ABCC4: variants seen among roughly 807,000 people sequenced by gnomAD.
The protein encoded by ABCC4 is ATP-binding cassette sub-family C member 4.
In ABCC4, 102 loss-of-function variants were observed where a neutral mutation model predicts 168.5. That is an observed-to-expected ratio of 0.61 (90% CI 0.52 to 0.71). The LOEUF (loss-of-function observed/expected upper bound fraction) is 0.71, where lower values mean the gene tolerates loss of function less well. Among genes scored for constraint, ABCC4 ranks in the 30% least tolerant of loss-of-function variants. The pLI, the probability that ABCC4 is intolerant of heterozygous loss-of-function variation, is 0.00. For missense variants in ABCC4, 1,402 were observed against 1,605.8 expected, an observed-to-expected ratio of 0.87 and a Z score of 2.17; for synonymous variants, 617 against 590.7, an observed-to-expected ratio of 1.04 and a Z score of -0.65.
intron 1 of ABCC4, among the ~76,000 whole-genome samples, chr13:95,278,830 A>C (rs1384925186): frequency 2.0e-5 from 3 of 151,002 alleles, no homozygotes; most frequent in African/African-American, 7.3e-5. Context: ...AAAAAAAAAA[A>C]AAACACAGAC....
At chr13:95,114,270 C>T (rs1188853067) in intron 20 of ABCC4, among the ~76,000 whole-genome samples, 1 of 152,144 alleles carries the variant, frequency 6.6e-6, no homozygotes, top group African/African-American at 2.4e-5. Context: ...CATCAAGTAG[C>T]ATCCATCCCT....
At chr13:95,292,157 A>C (rs761183809) in intron 1 of ABCC4, among the ~76,000 whole-genome samples, 30 of 152,174 alleles carry the variant, frequency 2.0e-4, no homozygotes, top group Non-Finnish European at 3.7e-4. Context: ...CAGGAGTTCA[A>C]TACCAGCCAG....
intron 29 of ABCC4, among the ~76,000 whole-genome samples, chr13:95,036,253 A>G (rs112508598): frequency 1.6e-4 from 24 of 152,244 alleles, no homozygotes; most frequent in Admixed American, 5.9e-4. Flanking sequence ...ATGAAGTTTT[A>G]GTCTGCAAAA....
chr13:95,273,662 C>T (rs898627245), intron 1 of ABCC4, among the ~76,000 whole-genome samples: 1 of 147,906 alleles, frequency 6.8e-6, no homozygotes, highest in Non-Finnish European at 1.5e-5. Context: ...CTCTGTGTCC[C>T]CACCCAAATC....
At chr13:95,170,490 C>G (rs777571928) in intron 14 of ABCC4, 42 bp downstream of exon 14, 1 of 1,278,528 alleles carries the variant, frequency 7.8e-7, no homozygotes, top group Non-Finnish European at 1.1e-6. Context: ...TTCAACACAC[C>G]CAAGTACTTG....
At chr13:95,153,530 T>C (rs1250877775) in intron 19 of ABCC4, among the ~76,000 whole-genome samples, 1 of 152,194 alleles carries the variant, frequency 6.6e-6, no homozygotes, top group Non-Finnish European at 1.5e-5. Flanking sequence ...ATATACACTA[T>C]AGGAAAACAA....
chr13:95,029,248 AG>A (rs2031748514), intron 30 of ABCC4, among the ~76,000 whole-genome samples: 1 of 5,084 alleles, frequency 2.0e-4, no homozygotes, highest in African/African-American at 3.5e-4. Context: ...AGAGAGAGAG[AG>A]AGAGAAAGAG....
At chr13:95,235,786 C>T (rs957782707) in intron 3 of ABCC4, among the ~76,000 whole-genome samples, 1 of 152,146 alleles carries the variant, frequency 6.6e-6, no homozygotes, top group Non-Finnish European at 1.5e-5. Flanking sequence ...GTTTCTGCCC[C>T]CTACAAGCCC....
intron 4 of ABCC4, among the ~76,000 whole-genome samples, chr13:95,213,615 A>C (rs1409234012): frequency 3.3e-5 from 2 of 60,628 alleles, no homozygotes; most frequent in African/African-American, 1.7e-4. Flanking sequence ...GAGGAGAGGA[A>C]GGAAATCTCC....
intron 19 of ABCC4, among the ~76,000 whole-genome samples, chr13:95,126,190 C>CCTGT (rs1566443000): frequency 1.3e-5 from 2 of 152,080 alleles, no homozygotes. Flanking sequence ...GCTCCAGTAT[C>CCTGT]CTGTCACTGT....
At chr13:95,111,928 T>A (rs2035217457) in intron 20 of ABCC4, among the ~76,000 whole-genome samples, 1 of 152,192 alleles carries the variant, frequency 6.6e-6, no homozygotes. Flanking sequence ...CCTCCAGTCT[T>A]TGGCAAACTC....
chr13:95,139,569 A>T (rs558447946), intron 19 of ABCC4, among the ~76,000 whole-genome samples: 1 of 152,304 alleles, frequency 6.6e-6, no homozygotes, highest in East Asian at 1.9e-4. Context: ...GTGCTCAGAA[A>T]TAGCACGCAT....
intron 20 of ABCC4, among the ~76,000 whole-genome samples, chr13:95,105,130 A>T (rs1416531043): frequency 1.3e-5 from 2 of 151,728 alleles, no homozygotes; most frequent in African/African-American, 4.8e-5. Flanking sequence ...ACAATGACAG[A>T]TGATCAGGCA....
intron 1 of ABCC4, among the ~76,000 whole-genome samples, chr13:95,280,174 G>C (rs764461903): frequency 1.3e-5 from 2 of 152,006 alleles, no homozygotes; most frequent in Non-Finnish European, 1.5e-5. Flanking sequence ...GCTAAGGCTC[G>C]GGAGGCCAAG....
In ABCC4 at chr13:95,183,205, G is replaced by T. The variant is rs1189899252; in HGVS notation, c.1545+3496C>A. ...ACAGCTACTATTTACCAAAAACCTG[G>T]CATGTTTGCATTTTACAGACATTGC... On this transcript the variant is annotated intron_variant, in intron 11 of 30. Coordinates refer to ENST00000645237, the MANE Select transcript of ABCC4 (RefSeq NM_005845.5). 9.9e-5 allele frequency among the ~76,000 whole-genome samples: 15 copies of T among 151,694 alleles called. 1 individual carries two copies. Among genetic ancestry groups the T allele is most frequent in the Admixed American group, 9.9e-4 (15 of 15,188 alleles).
At chr13:95,124,947 T>C (rs2035705940) in intron 19 of ABCC4, among the ~76,000 whole-genome samples, 1 of 151,772 alleles carries the variant, frequency 6.6e-6, no homozygotes, top group Non-Finnish European at 1.5e-5. Context: ...GACCATTTTC[T>C]TAAGGCACCA....
At chr13:95,257,259 C>T (rs2040414866) in intron 1 of ABCC4, among the ~76,000 whole-genome samples, 1 of 152,160 alleles carries the variant, frequency 6.6e-6, no homozygotes, top group Non-Finnish European at 1.5e-5. Context: ...AGAAGATACA[C>T]ATGGAAGTGG....
intron 19 of ABCC4, among the ~76,000 whole-genome samples, chr13:95,144,582 A>G (rs772949541): frequency 1.3e-5 from 2 of 152,236 alleles, no homozygotes; most frequent in Non-Finnish European, 2.9e-5. Context: ...GCATAAAATC[A>G]GTAGCATTTC....
chr13:95,059,688 A>C lies in ABCC4; in HGVS notation c.3366+3016T>G, dbSNP rs1345559599. On this transcript the variant is annotated intron_variant, in intron 26 of 30. Coordinates refer to ENST00000645237, the MANE Select transcript of ABCC4 (RefSeq NM_005845.5). Reference sequence around the variant, plus strand: ...TTCACTATTTAAATTTACATAAACAATTTGGTTAAAGGAATTCACCAAGGA... The same window carrying C: ...TTCACTATTTAAATTTACATAAACACTTTGGTTAAAGGAATTCACCAAGGA... Among the ~76,000 whole-genome samples the C allele has an allele frequency of 2.0e-5, 3 of 152,322 alleles. No individual in the cohort carries two copies. In the East Asian group the frequency reaches 5.8e-4, roughly 29 times the overall value.
Sources: allele counts gnomAD v4.1 joint callset (sites outside exome capture counted in the v4.1 genomes callset), GRCh38; gene constraint gnomAD v4.1.1; transcripts MANE v1.5; gene names NCBI Gene and HGNC (gene_info 2026-07-23, HGNC 2026-07-21).